Variants in INPP5A observed in about 807,000 individuals in gnomAD.
The protein encoded by INPP5A is inositol polyphosphate-5-phosphatase A.
A neutral mutation model predicts 65.2 loss-of-function variants in INPP5A; 14 were observed. That is an observed-to-expected ratio of 0.21 (90% CI 0.14 to 0.34). INPP5A has a LOEUF of 0.34. INPP5A is among the 10% of genes least tolerant of loss of function. The pLI is 1.00. For synonymous variants in INPP5A, 207 were observed against 208.3 expected (o/e 0.99, Z 0.05); for missense variants, 431 against 545.6 (o/e 0.79, Z 2.09).
chr10:132,614,448 T>C (rs905084769), intron 2 of INPP5A, among the ~76,000 whole-genome samples: 3 of 152,066 alleles, frequency 2.0e-5, no homozygotes, highest in Non-Finnish European at 4.4e-5. Context: ...GCCTGGGTGA[T>C]GGAGTGAGAC....
In INPP5A at chr10:132,762,672, G is replaced by A. The variant is rs550948393; in HGVS notation, c.904-3101G>A. On this transcript the variant is annotated intron_variant, in intron 11 of 15. Transcript: ENST00000368594. The surrounding 1 kb of genome is among the most constrained non-coding windows in gnomAD (Gnocchi z 4.6). Reference sequence around the variant, plus strand: ...TAAAGCTTAAAAACATGTAGGCTGAGGCGAGCTGCTTTTTGTGGACTCATG... The same window carrying A: ...TAAAGCTTAAAAACATGTAGGCTGAAGCGAGCTGCTTTTTGTGGACTCATG... 9.7e-4 allele frequency among the ~76,000 whole-genome samples: 147 copies of A among 152,286 alleles called. No individual in the cohort carries two copies. The highest frequency in any genetic ancestry group is 3.4e-3 in the African/African-American group (140 of 41,568).
chr10:132,539,004 A>AACCCAAT (rs2070876572), intron 1 of INPP5A, among the ~76,000 whole-genome samples: 1 of 151,896 alleles, frequency 6.6e-6, no homozygotes, highest in South Asian at 2.1e-4. Flanking sequence ...TCAGGCCCCA[A>AACCCAAT]ACCCAATTCT....
chr10:132,776,534 G>A lies in INPP5A; in HGVS notation c.978-1137G>A, dbSNP rs1298037936. On this transcript the variant is annotated intron_variant, in intron 12 of 15. Coordinates refer to ENST00000368594, the MANE Select transcript of INPP5A (RefSeq NM_005539.5). ...GAATCAGATCCCAGTCGCGACAGGT[G>A]CTGTATGATATTTTGGAATTAACTG... Among the ~76,000 whole-genome samples the A allele has an allele frequency of 3.3e-5, 5 of 152,334 alleles. No individual in the cohort carries two copies. The East Asian group carries it at 9.7e-4, about 29-fold the overall frequency.
intron 1 of INPP5A, among the ~76,000 whole-genome samples, chr10:132,576,098 G>A (rs908353171): frequency 7.9e-5 from 12 of 152,214 alleles, no homozygotes; most frequent in Non-Finnish European, 1.6e-4. Flanking sequence ...GCCAGTGTGT[G>A]TGCTGAGCCT....
chr10:132,589,107 G>T (rs1192457872), intron 1 of INPP5A, among the ~76,000 whole-genome samples: 1 of 152,240 alleles, frequency 6.6e-6, no homozygotes, highest in African/African-American at 2.4e-5. Flanking sequence ...AGGGTGTGGG[G>T]GCTGCTGCCC....
At chr10:132,661,169 A>G (rs747411610) in intron 4 of INPP5A, among the ~76,000 whole-genome samples, 12 of 152,164 alleles carry the variant, frequency 7.9e-5, no homozygotes, top group Non-Finnish European at 1.5e-4. Flanking sequence ...GGTTTCAAAA[A>G]CACAATCCAG....
intron 2 of INPP5A, among the ~76,000 whole-genome samples, chr10:132,620,780 C>T (rs913455609): frequency 6.6e-6 from 1 of 152,108 alleles, no homozygotes; most frequent in African/African-American, 2.4e-5. Context: ...CTGGTGAATT[C>T]TATATTTAAA....
intron 8 of INPP5A, among the ~76,000 whole-genome samples, chr10:132,713,132 GGT>G (rs1474579964): frequency 6.6e-6 from 1 of 151,534 alleles, no homozygotes; most frequent in Non-Finnish European, 1.5e-5. Flanking sequence ...GCAGGTTGTG[GGT>G]GTGTGGAGTG....
intron 4 of INPP5A, among the ~76,000 whole-genome samples, chr10:132,667,793 G>A (rs538871476): frequency 3.2e-4 from 48 of 152,312 alleles, no homozygotes; most frequent in South Asian, 4.2e-4. Context: ...TGCCCGGCGC[G>A]AGCCGGAAGA....
chr10:132,568,911 ATTTTTTT>A (rs1171904388), intron 1 of INPP5A, among the ~76,000 whole-genome samples: 208 of 129,044 alleles, frequency 1.6e-3, no homozygotes, highest in Admixed American at 3.0e-3. Flanking sequence ...TCTTACCGGC[ATTTTTTT>A]TTTTTTTTTT....
intron 8 of INPP5A, among the ~76,000 whole-genome samples, chr10:132,712,680 G>T (rs529377493): frequency 1.3e-5 from 2 of 150,682 alleles, no homozygotes; most frequent in African/African-American, 2.4e-5. Flanking sequence ...GTGGGTGCAT[G>T]TGAGTGGGTA....
chr10:132,743,487 G>A lies in INPP5A; in HGVS notation c.733-6030G>A, dbSNP rs1053504885. Among the ~76,000 whole-genome samples the A allele has an allele frequency of 5.3e-5, 8 of 152,238 alleles. No individual in the cohort carries two copies. In the South Asian group the frequency reaches 6.2e-4, roughly 12 times the overall value. On this transcript the variant is annotated intron_variant, in intron 9 of 15. Coordinates refer to ENST00000368594, the MANE Select transcript of INPP5A (RefSeq NM_005539.5). ...CTGGGAGTGAGGGCGAGCCCCTTGC[G>A]CGAACCCTGGAGGGCCGGACCCTAA...
rs1455775380 is a variant in INPP5A, at chr10:132,727,548, C to T, written c.732+643C>T. ...GCTCAGTGCAAGGGCCGATGTTTCTCTGTGGTCCAGTCCACGCTGGCTGTG... is the reference window on the plus strand; with the variant it reads ...GCTCAGTGCAAGGGCCGATGTTTCTTTGTGGTCCAGTCCACGCTGGCTGTG... On this transcript the variant is annotated intron_variant, in intron 9 of 15. Transcript: ENST00000368594. This position sits in a 1 kb window ranked among gnomAD's most constrained non-coding sequence, Gnocchi z 6.5. Among the ~76,000 whole-genome samples the T allele has an allele frequency of 6.6e-6, 1 of 152,064 alleles. No individual in the cohort carries two copies. The highest frequency in any genetic ancestry group is 1.9e-4 in the East Asian group (1 of 5,184).
At chr10:132,721,639 G>T (rs1845883654) in intron 8 of INPP5A, among the ~76,000 whole-genome samples, 1 of 150,350 alleles carries the variant, frequency 6.7e-6, no homozygotes, top group Non-Finnish European at 1.5e-5. Context: ...CTGTCTTCAG[G>T]GTTCTGTGGT....
chr10:132,714,771 C>A (rs1845712386), intron 8 of INPP5A, among the ~76,000 whole-genome samples: 1 of 152,224 alleles, frequency 6.6e-6, no homozygotes, highest in African/African-American at 2.4e-5. Context: ...CAGAAGCAGC[C>A]CCAGGGCGAG....
intron 8 of INPP5A, among the ~76,000 whole-genome samples, chr10:132,719,207 A>G (rs1280694296): frequency 0.013 from 892 of 70,600 alleles, no homozygotes; most frequent in Middle Eastern, 0.047. Flanking sequence ...CTGTCTGGGC[A>G]CCTTAGACGA....
At position 132,698,264 on chromosome 10, in the gene INPP5A, C is replaced by G. The variant is rs75453223; in HGVS notation, c.474+345C>G. On this transcript the variant is annotated intron_variant, in intron 6 of 15. Coordinates refer to ENST00000368594, the MANE Select transcript of INPP5A (RefSeq NM_005539.5). This position sits in a 1 kb window ranked among gnomAD's most constrained non-coding sequence, Gnocchi z 5.5. The stretch of plus-strand genomic sequence containing the variant: ...CCCAGCTGGGAGAGGGTCAGGCTGA[C>G]TGGTGGTAACCAAGACAGTGGCTGA... Among the ~76,000 whole-genome samples the G allele has an allele frequency of 6.5e-3, 987 of 152,364 alleles. 6 individuals carry two copies. The highest frequency in any genetic ancestry group is 0.014 in the Middle Eastern group (4 of 294).
At chr10:132,553,366 G>A (rs1378941072) in intron 1 of INPP5A, among the ~76,000 whole-genome samples, 1 of 146,198 alleles carries the variant, frequency 6.8e-6, no homozygotes, top group Non-Finnish European at 1.5e-5. Flanking sequence ...GTGGGATAGG[G>A]AGGGAGGACT....
chr10:132,570,134 A>G (rs1372044770), intron 1 of INPP5A, among the ~76,000 whole-genome samples: 1 of 148,512 alleles, frequency 6.7e-6, no homozygotes, highest in Non-Finnish European at 1.5e-5. Flanking sequence ...TTTAGTAGAG[A>G]CGGGGTTTCG....
Sources: allele counts gnomAD v4.1 joint callset (sites outside exome capture counted in the v4.1 genomes callset), GRCh38; gene constraint gnomAD v4.1.1; non-coding constraint Gnocchi (gnomAD v3.1); transcripts MANE v1.5; gene names NCBI Gene and HGNC (gene_info 2026-07-23, HGNC 2026-07-21).